The following FABP7 variants were observed in gnomAD, a reference collection of about 807,000 sequenced individuals.
The protein encoded by FABP7 is fatty acid binding protein 7, also known as fatty acid-binding protein, brain.
Under a neutral mutation model 14.2 loss-of-function variants are expected in FABP7, and 13 were observed. The ratio of observed to expected loss-of-function variants is 0.91; its 90% CI spans 0.59 to 1.45. FABP7 has a LOEUF of 1.45. FABP7 is among the 40% of genes most tolerant of loss of function. FABP7 has a pLI of 0.00. For missense variants in FABP7, 149 were observed against 157.6 expected (o/e 0.95, Z 0.29); for synonymous variants, 49 against 51.4 (o/e 0.95, Z 0.20).
At chr6:122,756,900 T>G in the FABP7 span, among the ~76,000 whole-genome samples, 1 of 152,230 alleles carries the variant, frequency 6.6e-6, no homozygotes, top group Non-Finnish European at 1.5e-5. Flanking sequence ...CACTGGCCTC[T>G]CTTTCTCAGT....
the FABP7 span, among the ~76,000 whole-genome samples, chr6:122,769,677 A>G: frequency 6.6e-6 from 1 of 152,164 alleles, no homozygotes; most frequent in Non-Finnish European, 1.5e-5. Context: ...TAGGCCGAGT[A>G]GAAAACTTAC....
In FABP7 at chr6:122,783,997, T is replaced by C. The variant is rs567578130; in HGVS notation, c.*230T>C. ...AAAGTTTTGTCCCCCCCCCCCTTTT[T>C]TTTATAAACAAGTGAATACATTTTA... On this transcript the variant is annotated 3_prime_UTR_variant, in exon 4 of 4. Transcript: ENST00000368444. The C allele has an allele frequency of 2.7e-6, 1 of 367,874 alleles. No homozygotes were observed. Among genetic ancestry groups the C allele is most frequent in the Non-Finnish European group, 4.7e-6 (1 of 211,544 alleles). The allele number at this position is 367,874 out of a possible 1,614,324, so 22.8% of individuals were successfully genotyped here. A position where few individuals can be genotyped will look rare whatever the true frequency, so the allele number is the denominator to read the frequency against.
At chr6:122,771,335 G>C in the FABP7 span, among the ~76,000 whole-genome samples, 1 of 152,152 alleles carries the variant, frequency 6.6e-6, no homozygotes, top group African/African-American at 2.4e-5. Flanking sequence ...GTTAAAAATA[G>C]CTAGGGTGGT....
chr6:122,767,755 G>GAAA, the FABP7 span, among the ~76,000 whole-genome samples: 1 of 116,348 alleles, frequency 8.6e-6, no homozygotes, highest in African/African-American at 3.6e-5. Context: ...CCACTAAAAG[G>GAAA]AAAAAAAAAA....
the FABP7 span, among the ~76,000 whole-genome samples, chr6:122,756,226 T>C: frequency 1.3e-5 from 2 of 152,208 alleles, no homozygotes; most frequent in Admixed American, 6.5e-5. Flanking sequence ...CCACCGCCTT[T>C]GGCTCATTCT....
At chr6:122,757,175 T>G in the FABP7 span, among the ~76,000 whole-genome samples, 1 of 152,158 alleles carries the variant, frequency 6.6e-6, no homozygotes, top group South Asian at 2.1e-4. Context: ...CTGCCTTGAG[T>G]GTATAATAGA....
At chr6:122,781,259 T>G in intron 3 of FABP7, 65 bp downstream of exon 3, 1 of 1,576,134 alleles carries the variant, frequency 6.3e-7, no homozygotes, top group South Asian at 1.1e-5. Context: ...TCTCACCTCC[T>G]TCCTTCTTCT....
At chr6:122,764,056 A>T in the FABP7 span, among the ~76,000 whole-genome samples, 1 of 152,204 alleles carries the variant, frequency 6.6e-6, no homozygotes, top group Admixed American at 6.5e-5. Flanking sequence ...TACCCAAAGG[A>T]TTATAAATCA....
At chr6:122,772,607 A>G in the FABP7 span, among the ~76,000 whole-genome samples, 1 of 152,180 alleles carries the variant, frequency 6.6e-6, no homozygotes, top group Middle Eastern at 3.4e-3. Context: ...TCAGTAGAGA[A>G]GGGATTTCAT....
rs1780803611 is a variant in FABP7 at position 122,782,090 on chromosome 6, T to A, written c.348+896T>A. On this transcript the variant is annotated intron_variant, in intron 3 of 3. Transcript: ENST00000368444. ...ATTTTGATGTTACTTCTTTCCAGTT[T>A]TTTTCTCGAATGCATAATATGCCTT... The A allele has an allele frequency of 3.0e-6, 3 of 985,288 alleles. No individual in the cohort carries two copies. In the African/African-American group the frequency reaches 5.2e-5, roughly 17 times the overall value. 61.0% of individuals were successfully genotyped at this position (985,288 alleles called of 1,614,324 possible).
chr6:122,753,879 A>C, the FABP7 span, among the ~76,000 whole-genome samples: 1 of 147,456 alleles, frequency 6.8e-6, no homozygotes, highest in Non-Finnish European at 1.5e-5. Context: ...TTGGTTGCAG[A>C]CAGCTACCAT....
At chr6:122,779,265 T>C (rs936605564), upstream of FABP7, among the ~76,000 whole-genome samples, 6 of 152,232 alleles carry the variant, frequency 3.9e-5, no homozygotes, top group African/African-American at 1.2e-4. Flanking sequence ...GTCTGCAAAG[T>C]CTGGCATTTC....
chr6:122,774,186 A>G, the FABP7 span, among the ~76,000 whole-genome samples: 2 of 151,908 alleles, frequency 1.3e-5, no homozygotes, highest in Non-Finnish European at 2.9e-5. Context: ...ATATGGTAAA[A>G]CACCATCTCT....
chr6:122,752,952 GT>G, the FABP7 span, among the ~76,000 whole-genome samples: 1 of 152,098 alleles, frequency 6.6e-6, no homozygotes, highest in Non-Finnish European at 1.5e-5. Context: ...TGTTTCCATT[GT>G]TTTTTGCTGT....
At chr6:122,754,019 T>C in the FABP7 span, among the ~76,000 whole-genome samples, 1 of 152,022 alleles carries the variant, frequency 6.6e-6, no homozygotes, top group Admixed American at 6.5e-5. Context: ...TTTTATTACT[T>C]AGGCATGGAA....
chr6:122,753,604 C>T, the FABP7 span, among the ~76,000 whole-genome samples: 1 of 152,072 alleles, frequency 6.6e-6, no homozygotes, highest in Admixed American at 6.6e-5. Flanking sequence ...TGCAGGTTGT[C>T]CAGGTTCTTG....
At chr6:122,751,914 C>A in the FABP7 span, among the ~76,000 whole-genome samples, 1 of 152,150 alleles carries the variant, frequency 6.6e-6, no homozygotes, top group South Asian at 2.1e-4. Flanking sequence ...CCCAGGTCAT[C>A]TTTATTTCCT....
the FABP7 span, among the ~76,000 whole-genome samples, chr6:122,759,679 A>C: frequency 1.3e-5 from 2 of 152,232 alleles, no homozygotes; most frequent in Non-Finnish European, 2.9e-5. Flanking sequence ...TTAATTTTAT[A>C]TATGGTGAGG....
At chr6:122,780,894 T>TA (rs1358371117) in intron 2 of FABP7, among the ~76,000 whole-genome samples, 199 bp from the exon 3 acceptor site, 2 of 152,148 alleles carry the variant, frequency 1.3e-5, no homozygotes, top group Non-Finnish European at 2.9e-5. Context: ...ATTTTTGTAT[T>TA]TAGATGTATA....
Sources: gnomAD v4.1 joint callset for allele counts (sites outside exome capture counted in the v4.1 genomes callset) on GRCh38, gnomAD v4.1.1 for gene constraint, MANE v1.5 for transcripts, NCBI Gene and HGNC (gene_info 2026-07-23, HGNC 2026-07-21) for gene names.